Variants in ADGRE3 observed in about 807,000 individuals in gnomAD.
ADGRE3 encodes adhesion G protein-coupled receptor E3.
In ADGRE3, 88 loss-of-function variants were observed where a neutral mutation model predicts 80.1. The observed-to-expected ratio is 1.10, with a 90% confidence interval of 0.93 to 1.31. The LOEUF (loss-of-function observed/expected upper bound fraction) is 1.31. Ranked by LOEUF, ADGRE3 falls within the 40% of genes most tolerant of loss-of-function variation. ADGRE3 has a pLI of 0.00. For synonymous variants in ADGRE3, 281 were observed against 294.8 expected, an observed-to-expected ratio of 0.95 and a Z score of 0.48; for missense variants, 715 against 776.5, an observed-to-expected ratio of 0.92 and a Z score of 0.94.
At chr19:14,601,379 A>T in the ADGRE3 span, among the ~76,000 whole-genome samples, 1 of 152,160 alleles carries the variant, frequency 6.6e-6, no homozygotes, top group Non-Finnish European at 1.5e-5. Flanking sequence ...CCGTGCAACC[A>T]GAAGGAGGAT....
chr19:14,630,062 C>T lies in ADGRE3; in HGVS notation c.1789G>A (p.Val597Ile), dbSNP rs1970836264. ...NSLQGFFIFL[V>I]YCLLSQQVQK... ...ACCTGCTGGCTGAGGAGGCAGTAGA[C>T]CAAGAAGATGAAGAAGCCTTGGAGG... Residue 597 changes from valine to isoleucine, a missense_variant, in exon 14 of 16, where the codon GTC becomes ATC. Physicochemically the swap from Val to Ile is conservative, Grantham distance 29 (BLOSUM62 3). Transcript: ENST00000253673. 2.5e-6 allele frequency: 4 copies of T among 1,608,852 alleles called. No homozygotes were observed. The South Asian group carries it at 3.3e-5, about 13-fold the overall frequency.
In ADGRE3 at chr19:14,657,749, T is replaced by G. The variant is rs199840759; in HGVS notation, c.393+764A>C. ...TATATACATATATATATATATATTT[T>G]TTTGTTTGTTTGTTTGTTTTGTTTT... On this transcript the variant is annotated intron_variant, in intron 5 of 15. Coordinates refer to ENST00000253673, the MANE Select transcript of ADGRE3 (RefSeq NM_032571.5). 1.8e-3 allele frequency among the ~76,000 whole-genome samples: 261 copies of G among 142,646 alleles called. 3 individuals carry two copies. The East Asian group carries it at 0.022, about 12-fold the overall frequency. The allele number at this position is 142,646 out of a possible 152,430, so 93.6% of individuals were successfully genotyped here. A position where few individuals can be genotyped will look rare whatever the true frequency, so the allele number is the denominator to read the frequency against.
At chr19:14,645,526 G>A (rs1217734110) in intron 8 of ADGRE3, among the ~76,000 whole-genome samples, 1 of 152,128 alleles carries the variant, frequency 6.6e-6, no homozygotes, top group Non-Finnish European at 1.5e-5. Flanking sequence ...AGGTGTGGTG[G>A]CACTTGCTCG....
intron 6 of ADGRE3, among the ~76,000 whole-genome samples, chr19:14,654,289 T>C (rs1971690379): frequency 6.8e-6 from 1 of 147,416 alleles, no homozygotes; most frequent in South Asian, 2.1e-4. Context: ...ATGAGACAGG[T>C]TCTTGTTCTG....
At chr19:14,626,107 C>A (rs1970732384) in intron 14 of ADGRE3, among the ~76,000 whole-genome samples, 2 of 114,770 alleles carry the variant, frequency 1.7e-5, no homozygotes, top group Non-Finnish European at 4.0e-5. Context: ...TGTTTTACCA[C>A]AGTAAACATT....
chr19:14,672,088 G>A (rs1416269620), intron 1 of ADGRE3, among the ~76,000 whole-genome samples: 1 of 152,056 alleles, frequency 6.6e-6, no homozygotes, highest in African/African-American at 2.4e-5. Flanking sequence ...CAAACCTTAC[G>A]CCTGCCCAAA....
At chr19:14,601,197 T>C in the ADGRE3 span, among the ~76,000 whole-genome samples, 2 of 152,056 alleles carry the variant, frequency 1.3e-5, no homozygotes, top group African/African-American at 2.4e-5. Flanking sequence ...GCCACCACGC[T>C]GGGCTAGGAG....
chr19:14,638,254 G>A lies in ADGRE3; in HGVS notation c.1335C>T (p.Phe445=). Residue 445 remains phenylalanine (F), a synonymous_variant, in exon 11 of 16, where the codon TTC becomes TTT. Transcript: ENST00000253673. ...CCACTGTCAGGTTCCGTGCAGTGAG[G>A]AAGAGGTGCACACCCTCCAGCAGCA... ...TWMLLEGVHL[F]LTARNLTVVN... 1.2e-6 allele frequency: 2 copies of A among 1,614,136 alleles called. No individual in the cohort carries two copies. Among genetic ancestry groups the A allele is most frequent in the Non-Finnish European group, 1.7e-6 (2 of 1,179,994 alleles).
At chr19:14,604,786 G>A in the ADGRE3 span, among the ~76,000 whole-genome samples, 5 of 151,886 alleles carry the variant, frequency 3.3e-5, no homozygotes, top group Admixed American at 3.3e-4. Context: ...TTTTTTTAAA[G>A]TCACCAGATA....
chr19:14,600,196 A>C, the ADGRE3 span: 3 of 1,613,290 alleles, frequency 1.9e-6, no homozygotes, highest in Non-Finnish European at 2.5e-6. Flanking sequence ...AGTTCTTCCC[A>C]CTGAACCTTT....
downstream of ADGRE3, among the ~76,000 whole-genome samples, chr19:14,618,713 G>A (rs899615170): frequency 1.5e-4 from 23 of 151,406 alleles, no homozygotes; most frequent in East Asian, 3.9e-4. Flanking sequence ...AAAATTAGCC[G>A]GACATGGTGG....
chr19:14,625,436 G>T, intron 15 of ADGRE3, 56 bp downstream of exon 15: 1 of 1,107,698 alleles, frequency 9.0e-7, no homozygotes, highest in Non-Finnish European at 1.4e-6. Flanking sequence ...GAGGAAGTTT[G>T]CAGTGTCAAG....
At chr19:14,664,050 A>T (rs1337592560) in intron 2 of ADGRE3, among the ~76,000 whole-genome samples, 1 of 151,336 alleles carries the variant, frequency 6.6e-6, no homozygotes, top group Non-Finnish European at 1.5e-5. Context: ...CTCTTGTGAG[A>T]TCTAAGCACG....
rs145313483 is a variant in ADGRE3 at position 14,621,219 on chromosome 19, G to C, written c.1921-1748C>G. Among the ~76,000 whole-genome samples the C allele has an allele frequency of 7.8e-3, 1,182 of 152,156 alleles. 16 individuals are homozygous for C. Among genetic ancestry groups the C allele is most frequent in the African/African-American group, 0.028 (1,147 of 41,528 alleles). On this transcript the variant is annotated intron_variant, in intron 15 of 15. Transcript: ENST00000253673. ...TGTAATCTCAGCACTTTGAGAAGCTGAGGCGGGCGGATCACTTGAGATCAG... is the reference window on the plus strand; with the variant it reads ...TGTAATCTCAGCACTTTGAGAAGCTCAGGCGGGCGGATCACTTGAGATCAG...
chr19:14,623,619 A>G (rs762631174), intron 15 of ADGRE3, among the ~76,000 whole-genome samples: 18 of 152,192 alleles, frequency 1.2e-4, no homozygotes, highest in Admixed American at 6.5e-5. Flanking sequence ...GCAATTATGC[A>G]GAGCAGCTGG....
At chr19:14,660,603 GAC>G (rs1309368201) in intron 4 of ADGRE3, among the ~76,000 whole-genome samples, 3 of 148,660 alleles carry the variant, frequency 2.0e-5, no homozygotes, top group Non-Finnish European at 4.4e-5. Flanking sequence ...CAGCCTGGGT[GAC>G]AGAGTGAGAC....
At chr19:14,648,318 G>A (rs547352022) in intron 7 of ADGRE3, among the ~76,000 whole-genome samples, 5 of 152,218 alleles carry the variant, frequency 3.3e-5, no homozygotes, top group South Asian at 2.1e-4. Context: ...TTCCATGGGC[G>A]TGAATTTGTG....
Position 14,665,459 on chromosome 19 carries a change from G to A in ADGRE3, c.77-1919C>T, listed in dbSNP as rs113744874. 7.6e-3 allele frequency among the ~76,000 whole-genome samples: 1,162 copies of A among 152,058 alleles called. 14 individuals carry two copies. The highest frequency in any genetic ancestry group is 0.027 in the African/African-American group (1,123 of 41,460). The stretch of plus-strand genomic sequence containing the variant: ...AACAAGGGTGCAATTGACCGTGCAC[G>A]CAAGTCTTAATGCATTTTGGATTTT... On this transcript the variant is annotated intron_variant, in intron 2 of 15. Coordinates refer to ENST00000253673, the MANE Select transcript of ADGRE3 (RefSeq NM_032571.5).
At chr19:14,630,236 G>T in intron 13 of ADGRE3, 29 bp from the exon 14 acceptor site, 7 of 1,573,246 alleles carry the variant, frequency 4.4e-6, no homozygotes, top group Non-Finnish European at 5.2e-6. Context: ...AGATTAGGAT[G>T]TCAAAAAACT....
Sources: allele counts gnomAD v4.1 joint callset (sites outside exome capture counted in the v4.1 genomes callset), GRCh38; gene constraint gnomAD v4.1.1; transcripts MANE v1.5; gene names NCBI Gene and HGNC (gene_info 2026-07-23, HGNC 2026-07-21).